ERBB3: variants seen among roughly 807,000 people sequenced by gnomAD.
ERBB3 encodes the protein erb-b2 receptor tyrosine kinase 3.
A neutral mutation model predicts 156.7 loss-of-function variants in ERBB3; 96 were observed. The ratio of observed to expected loss-of-function variants is 0.61; its 90% CI spans 0.52 to 0.73. The LOEUF (loss-of-function observed/expected upper bound fraction) is 0.73. ERBB3 is among the 30% of genes least tolerant of loss of function. The pLI is 0.00. For synonymous variants in ERBB3, 567 were observed against 632.0 expected (o/e 0.90, Z 1.54); for missense variants, 1,406 against 1,709.4 (o/e 0.82, Z 3.13).
rs368720651 is a variant in ERBB3, at chr12:56,096,801, C to A, written c.2229C>A (p.Val743=). 26 of 1,613,940 alleles carry A rather than the reference C, an allele frequency of 1.6e-5. No individual in the cohort carries two copies. Among genetic ancestry groups the A allele is most frequent in the Non-Finnish European group, 1.6e-5 (19 of 1,179,970 alleles). ...ESIKIPVCIK[V]IEDKSGRQSF... is the part of the protein sequence containing the mutation. ...TCAAGATTCCAGTCTGCATTAAAGT[C>A]ATTGAGGACAAGAGTGGACGGCAGA... Residue 743 remains valine, a synonymous_variant, in exon 19 of 28, where the codon GTC becomes GTA. Transcript: ENST00000267101.
In ERBB3 at chr12:56,093,339, T is replaced by C; in HGVS notation, c.1275-6T>C. On this transcript the variant is annotated splice_region_variant and splice_polypyrimidine_tract_variant and intron_variant, in intron 11 of 27. Transcript: ENST00000267101. ...CTCTCCTCTCATCCTGTCTCCTTATTCTCAGCCGGGGCTTCTCATTGTTGA... is the reference window on the plus strand; with the variant it reads ...CTCTCCTCTCATCCTGTCTCCTTATCCTCAGCCGGGGCTTCTCATTGTTGA... 6.2e-7 allele frequency: 1 copy of C among 1,612,436 alleles called. No individual in the cohort carries two copies. Among genetic ancestry groups the C allele is most frequent in the South Asian group, 1.1e-5 (1 of 91,046 alleles).
At position 56,102,825 on chromosome 12, in the gene ERBB3, A is replaced by AAAAC. The variant is rs1869164663; in HGVS notation, c.*773_*774insCAAA. The AAAAC allele has an allele frequency of 4.7e-6, 1 of 214,832 alleles. No homozygotes were observed. Among genetic ancestry groups the AAAAC allele is most frequent in the Non-Finnish European group, 9.3e-6 (1 of 107,022 alleles). The allele number at this position is 214,832 out of a possible 1,614,324, so 13.3% of individuals were successfully genotyped here. A position where few individuals can be genotyped will look rare whatever the true frequency, so the allele number is the denominator to read the frequency against. On this transcript the variant is annotated 3_prime_UTR_variant, in exon 28 of 28. Coordinates refer to ENST00000267101, the MANE Select transcript of ERBB3 (RefSeq NM_001982.4). ...TCTCTTTAAAAAAAAAAAAAAAAAA[A>AAAAC]AAAAAAAAACTTTAGAACTGGGTGC...
chr12:56,083,388 G>A (rs1272806450), intron 1 of ERBB3: 2 of 359,414 alleles, frequency 5.6e-6, no homozygotes, highest in Admixed American at 3.8e-5. Context: ...GAGGGGGAGA[G>A]GAGGGTAATC....
chr12:56,099,622 C>G (rs760382937), intron 23 of ERBB3, 26 bp from the exon 24 acceptor site: 1 of 1,593,094 alleles, frequency 6.3e-7, no homozygotes, highest in South Asian at 1.1e-5. Context: ...TCTTTTATGT[C>G]TCTACCTCCT....
chr12:56,095,733 G>T lies in ERBB3; in HGVS notation c.1982G>T (p.Gly661Val). The T allele has an allele frequency of 1.2e-6, 2 of 1,614,208 alleles. No homozygotes were observed. The highest frequency in any genetic ancestry group is 1.7e-6 in the Non-Finnish European group (2 of 1,179,996). The change falls in exon 17 of 28, where the codon GGC becomes GTC. Residue 661 changes from glycine to valine, a missense_variant. Gly to Val is a moderately radical substitution (Grantham distance 109). This residue lies in a region of ERBB3 where 979 missense variants were observed against 1,219.6 expected (regional missense o/e 0.80). Transcript: ENST00000267101. ...GTAGTGATTTTCATGATGCTGGGCG[G>T]CACTTTTCTCTACTGGCGTGGGCGC... ...GLVVIFMMLG[G>V]TFLYWRGRRI...
intron 7 of ERBB3, 30 bp from the exon 8 acceptor site, chr12:56,088,513 C>T (rs549756783): frequency 6.7e-7 from 1 of 1,499,882 alleles, no homozygotes; most frequent in Non-Finnish European, 9.3e-7. Context: ...CCTCCCTCAT[C>T]TCTAATGGTG....
chr12:56,102,969 A>G lies in ERBB3; in HGVS notation c.*914A>G, dbSNP rs369874280. 233 of 158,252 alleles carry G rather than the reference A, an allele frequency of 1.5e-3. 1 individual carries two copies. The highest frequency in any genetic ancestry group is 2.9e-3 in the African/African-American group (116 of 40,480). 9.8% of individuals were successfully genotyped at this position (158,252 alleles called of 1,614,324 possible). On this transcript the variant is annotated 3_prime_UTR_variant, in exon 28 of 28. Coordinates refer to ENST00000267101, the MANE Select transcript of ERBB3 (RefSeq NM_001982.4). ...TAGCAAGACACTGTCTCTACAGGGG[A>G]AAAAAAAAAAAGAAACTGAGCCTTA...
rs1205180345 is a variant in ERBB3 at position 56,101,374 on chromosome 12, TC to T, written c.3502+15del. The T allele has an allele frequency of 6.2e-7, 1 of 1,613,188 alleles. No individual in the cohort carries two copies. The highest frequency in any genetic ancestry group is 8.5e-7 in the Non-Finnish European group (1 of 1,179,648). The stretch of plus-strand genomic sequence containing the variant: ...ACACACCTCAAAGGTGCCTGACTCT[TC>T]CTAGGGCTTTCCTCAATTTTTCCTC... On this transcript the variant is annotated intron_variant, in intron 27 of 27. Coordinates refer to ENST00000267101, the MANE Select transcript of ERBB3 (RefSeq NM_001982.4).
intron 15 of ERBB3, 152 bp downstream of exon 15, chr12:56,094,708 G>A (rs1003078254): frequency 9.7e-6 from 9 of 926,416 alleles, no homozygotes; most frequent in African/African-American, 8.2e-5. Context: ...TCCCAGCACT[G>A]TGGGAGGCCG....
chr12:56,102,158 T>C lies in ERBB3; in HGVS notation c.*103T>C, dbSNP rs961061052. On this transcript the variant is annotated 3_prime_UTR_variant, in exon 28 of 28. Coordinates refer to ENST00000267101, the MANE Select transcript of ERBB3 (RefSeq NM_001982.4). ...CTCTCTCTCCCAGGTCCCAGCCCCT[T>C]TTCCCCAGTCCCAGACAATTCCATT... The C allele has an allele frequency of 6.1e-5, 64 of 1,055,604 alleles. No individual in the cohort carries two copies. Among genetic ancestry groups the C allele is most frequent in the Non-Finnish European group, 7.9e-5 (54 of 687,638 alleles). The allele number at this position is 1,055,604 out of a possible 1,614,324, so 65.4% of individuals were successfully genotyped here.
intron 15 of ERBB3, 65 bp downstream of exon 15, chr12:56,094,621 G>A: frequency 6.4e-7 from 1 of 1,565,366 alleles, no homozygotes; most frequent in South Asian, 1.1e-5. Context: ...ACTAGAGTGA[G>A]GGAAGCAGAA....
At position 56,100,225 on chromosome 12, in the gene ERBB3, A is replaced by T; in HGVS notation, c.3181A>T (p.Asn1061Tyr). 2 of 1,613,952 alleles carry T rather than the reference A, an allele frequency of 1.2e-6. No homozygotes were observed. Among genetic ancestry groups the T allele is most frequent in the Non-Finnish European group, 1.7e-6 (2 of 1,179,818 alleles). ...TGGATACATGCCCATGAACCAGGGT[A>T]ATCTTGGGGAGTCTTGCCAGGTAAG... The part of the protein sequence containing the change: ...SSGYMPMNQG[N>Y]LGESCQESAV... Residue 1061 changes from asparagine (N) to tyrosine (Y), a missense_variant, in exon 26 of 28, where the codon AAT becomes TAT. By Grantham distance (143) the Asn-to-Tyr change is moderately radical (BLOSUM62 -2). Coordinates refer to ENST00000267101, the MANE Select transcript of ERBB3 (RefSeq NM_001982.4).
intron 17 of ERBB3, 130 bp from the exon 18 acceptor site, chr12:56,096,373 C>T: frequency 1.8e-6 from 2 of 1,126,758 alleles, no homozygotes; most frequent in East Asian, 2.3e-5. Context: ...TAATCCATTC[C>T]AGGACTAACG....
rs1211056647 is a variant in ERBB3, at chr12:56,085,399, T to G, written c.421+218T>G. The stretch of plus-strand genomic sequence containing the variant: ...CAGGGAAAGGAACCCTGTGTCCTTG[T>G]GGGGCTGGAGTCAGAGCTGGATCTG... On this transcript the variant is annotated intron_variant, in intron 3 of 27. Transcript: ENST00000267101. 3 of 1,442,524 alleles carry G rather than the reference T, an allele frequency of 2.1e-6. No homozygotes were observed. The African/African-American group carries it at 4.3e-5, about 21-fold the overall frequency. 89.4% of individuals were successfully genotyped at this position (1,442,524 alleles called of 1,614,324 possible). A position where few individuals can be genotyped will look rare whatever the true frequency, so the allele number is the denominator to read the frequency against.
At position 56,102,486 on chromosome 12, in the gene ERBB3, G is replaced by T; in HGVS notation, c.*431G>T. 3.9e-6 allele frequency: 1 copy of T among 255,526 alleles called. No homozygotes were observed. The highest frequency in any genetic ancestry group is 7.6e-6 in the Non-Finnish European group (1 of 131,230). 15.8% of individuals were successfully genotyped at this position (255,526 alleles called of 1,614,324 possible). A position where few individuals can be genotyped will look rare whatever the true frequency, so the allele number is the denominator to read the frequency against. On this transcript the variant is annotated 3_prime_UTR_variant, in exon 28 of 28. Coordinates refer to ENST00000267101, the MANE Select transcript of ERBB3 (RefSeq NM_001982.4). ...AGAGGAAAGTGTAATTTTGGTTTAT[G>T]ACTCTTAACCCCCTAGAAAGACAGA...
chr12:56,080,859 G>A (rs1383297064), intron 1 of ERBB3, among the ~76,000 whole-genome samples: 5 of 152,142 alleles, frequency 3.3e-5, no homozygotes, highest in Non-Finnish European at 5.9e-5. Flanking sequence ...GGGGGTTGTT[G>A]TTCTCTGGTG....
intron 2 of ERBB3, 72 bp downstream of exon 2, chr12:56,083,974 G>C (rs930216625): frequency 6.8e-7 from 1 of 1,467,628 alleles, no homozygotes; most frequent in African/African-American, 1.4e-5. Flanking sequence ...TCCTTCTTCA[G>C]GGCTACCTTC....
At chr12:56,088,505 T>C in intron 7 of ERBB3, 38 bp from the exon 8 acceptor site, 1 of 1,446,532 alleles carries the variant, frequency 6.9e-7, no homozygotes. Context: ...GTGATGTTCC[T>C]CCCTCATCTC....
intron 17 of ERBB3, 185 bp from the exon 18 acceptor site, chr12:56,096,318 C>G (rs1333600108): frequency 1.1e-5 from 8 of 701,512 alleles, no homozygotes; most frequent in Middle Eastern, 3.9e-4. Flanking sequence ...CTCATGAGCA[C>G]AAATAACTTC....
Sources: gnomAD v4.1 joint callset for allele counts (sites outside exome capture counted in the v4.1 genomes callset) on GRCh38, gnomAD v4.1.1 for gene constraint, gnomAD v4.1.1 regional missense constraint, MANE v1.5 for transcripts, NCBI Gene and HGNC (gene_info 2026-07-23, HGNC 2026-07-21) for gene names.